Variants in ZNF518A observed in about 807,000 individuals in gnomAD.
ZNF518A encodes the protein zinc finger protein 518.
A neutral mutation model predicts 102.7 loss-of-function variants in ZNF518A; 47 were observed. The observed-to-expected ratio is 0.46, with a 90% CI of 0.36 to 0.58. ZNF518A has a LOEUF of 0.58. ZNF518A is among the 20% of genes least tolerant of loss of function. The pLI is 0.00. For synonymous variants in ZNF518A, 652 were observed against 594.6 expected, an observed-to-expected ratio of 1.10 and a Z score of -1.40; for missense variants, 1,793 against 1,699.8, an observed-to-expected ratio of 1.05 and a Z score of -0.96.
chr10:96,170,635 A>G (rs1554890808), intron 1 of ZNF518A, among the ~76,000 whole-genome samples: 2 of 152,212 alleles, frequency 1.3e-5, no homozygotes, highest in African/African-American at 2.4e-5. Context: ...AAAAAAGTTG[A>G]TTGTGACAGT....
downstream of ZNF518A, among the ~76,000 whole-genome samples, chr10:96,167,289 C>T (rs1289962923): frequency 6.6e-6 from 1 of 151,966 alleles, no homozygotes; most frequent in Non-Finnish European, 1.5e-5. Context: ...GGTGAAACCC[C>T]GTCTCTACTA....
intron 1 of ZNF518A, chr10:96,203,526 G>A (rs1554896716): frequency 6.6e-6 from 1 of 151,812 alleles, no homozygotes; most frequent in African/African-American, 2.4e-5. Flanking sequence ...TTAAGGTTTG[G>A]GCAGTTACGT....
chr10:96,158,919 C>T lies in ZNF518A; in HGVS notation c.2597C>T (p.Ser866Leu), dbSNP rs879946414. 3.1e-6 allele frequency: 5 copies of T among 1,613,604 alleles called. No individual in the cohort carries two copies. The highest frequency in any genetic ancestry group is 2.7e-5 in the African/African-American group (2 of 75,002). Reference sequence around the variant, plus strand: ...AAATTTGGAAAAGAAAAACAAGTGTCATCAATACCACAAGATGTGAGAGAT... The same window carrying T: ...AAATTTGGAAAAGAAAAACAAGTGTTATCAATACCACAAGATGTGAGAGAT... The part of the protein sequence containing the change: ...NLKFGKEKQV[S>L]SIPQDVRDSE... The change falls in exon 6 of 6, where the codon TCA becomes TTA. Residue 866 changes from serine to leucine, a missense_variant. Coordinates refer to ENST00000316045, the MANE Select transcript of ZNF518A (RefSeq NM_001330736.2).
intron 1 of ZNF518A, among the ~76,000 whole-genome samples, chr10:96,188,855 A>G (rs1422230672): frequency 1.3e-5 from 2 of 152,146 alleles, no homozygotes; most frequent in Non-Finnish European, 2.9e-5. Context: ...AGTACTGGAC[A>G]CTCAAAGTCC....
At chr10:96,151,319 G>A (rs1350305258) in intron 3 of ZNF518A, 1 of 152,084 alleles carries the variant, frequency 6.6e-6, no homozygotes, top group Non-Finnish European at 1.5e-5. Context: ...GTTATGTAGC[G>A]AAAGGACAGG....
intron 1 of ZNF518A, among the ~76,000 whole-genome samples, chr10:96,171,448 C>T (rs2083172855): frequency 6.6e-6 from 1 of 152,074 alleles, no homozygotes; most frequent in Admixed American, 6.6e-5. Flanking sequence ...ACCATGAGTC[C>T]ATTCATATGA....
At chr10:96,175,882 CCTTCCTTCCTTCCTTCCTTCCTTCCTT>C (rs2083201063) in intron 1 of ZNF518A, among the ~76,000 whole-genome samples, 2 of 102,822 alleles carry the variant, frequency 1.9e-5, no homozygotes, top group East Asian at 4.6e-4. Flanking sequence ...TCCCTCCCTT[CCTTCCTTCCTTCCTTCCTTCCTTCCTT>C]CCTTCCTTCC....
At chr10:96,190,522 T>C (rs1407575235) in intron 1 of ZNF518A, among the ~76,000 whole-genome samples, 2 of 152,230 alleles carry the variant, frequency 1.3e-5, no homozygotes, top group East Asian at 3.8e-4. Context: ...CATATCTTTT[T>C]GAGGGGACCA....
rs868954973 is a variant in ZNF518A, at chr10:96,160,254, C to T, written c.3932C>T (p.Thr1311Ile). Residue 1311 changes from threonine to isoleucine, a missense_variant, in exon 6 of 6, where the codon ACA becomes ATA. This residue lies in a region of ZNF518A where 1,741 missense variants were observed against 1,622.6 expected (regional missense o/e 1.07). Transcript: ENST00000316045. ...GCAAAACCTGAAGATGTCCGTGAAACATTTGGATTTAGCAGACCTAGGCTT... is the reference window on the plus strand; with the variant it reads ...GCAAAACCTGAAGATGTCCGTGAAATATTTGGATTTAGCAGACCTAGGCTT... ...EKAKPEDVRE[T>I]FGFSRPRLSK... The T allele has an allele frequency of 8.1e-6, 13 of 1,613,472 alleles. No homozygotes were observed. The highest frequency in any genetic ancestry group is 3.3e-4 in the Middle Eastern group (2 of 6,060).
intron 1 of ZNF518A, among the ~76,000 whole-genome samples, chr10:96,131,427 G>T (rs782186149): frequency 6.6e-6 from 1 of 152,082 alleles, no homozygotes; most frequent in Non-Finnish European, 1.5e-5. Context: ...CAGCAAAATT[G>T]TCTTTTCTGA....
At chr10:96,192,707 T>A (rs1197522854) in intron 1 of ZNF518A, among the ~76,000 whole-genome samples, 1 of 152,200 alleles carries the variant, frequency 6.6e-6, no homozygotes, top group East Asian at 1.9e-4. Flanking sequence ...ATTTTGATCC[T>A]TGTTGTCTAT....
chr10:96,177,540 G>A (rs2083212854), intron 1 of ZNF518A, among the ~76,000 whole-genome samples: 1 of 152,162 alleles, frequency 6.6e-6, no homozygotes, highest in African/African-American at 2.4e-5. Flanking sequence ...GGAGTAAAAT[G>A]TATGACAACA....
At chr10:96,174,598 T>C (rs2083192347) in intron 1 of ZNF518A, among the ~76,000 whole-genome samples, 1 of 152,206 alleles carries the variant, frequency 6.6e-6, no homozygotes, top group South Asian at 2.1e-4. Context: ...AAAACTATTT[T>C]AAAAAATGGC....
intron 1 of ZNF518A, among the ~76,000 whole-genome samples, chr10:96,171,908 A>G (rs587700863): frequency 6.6e-6 from 1 of 152,242 alleles, no homozygotes; most frequent in East Asian, 1.9e-4. Context: ...TGAAATTATC[A>G]TAAGAAAAAT....
At position 96,158,383 on chromosome 10, in the gene ZNF518A, G is replaced by A. The variant is rs2082811924; in HGVS notation, c.2061G>A (p.Arg687=). 1.2e-6 allele frequency: 2 copies of A among 1,613,498 alleles called. No individual in the cohort carries two copies. The highest frequency in any genetic ancestry group is 1.3e-5 in the African/African-American group (1 of 74,896). ...PISESFLSLV[R]QESSKPDSLL... ...GTGAATCATTTTTATCACTAGTGAGGCAGGAGAGCTCAAAACCAGATAGCC... is the reference window on the plus strand; with the variant it reads ...GTGAATCATTTTTATCACTAGTGAGACAGGAGAGCTCAAAACCAGATAGCC... The change falls in exon 6 of 6, where the codon AGG becomes AGA. Residue 687 remains arginine, a synonymous_variant. Transcript: ENST00000316045.
At chr10:96,201,108 T>C (rs782351148) in intron 1 of ZNF518A, 1 of 1,490,008 alleles carries the variant, frequency 6.7e-7, no homozygotes, top group Admixed American at 1.7e-5. Context: ...TTTCTTGAAC[T>C]CTTTCTATGC....
At chr10:96,154,422 CTCCT>C (rs782808250) in intron 3 of ZNF518A, among the ~76,000 whole-genome samples, 4 of 151,634 alleles carry the variant, frequency 2.6e-5, no homozygotes, top group Non-Finnish European at 5.9e-5. Flanking sequence ...CCCTCCCTCC[CTCCT>C]TCTTTTCTTT....
intron 1 of ZNF518A, among the ~76,000 whole-genome samples, chr10:96,132,175 G>A (rs1205037814): frequency 2.0e-5 from 3 of 151,674 alleles, no homozygotes; most frequent in African/African-American, 7.3e-5. Flanking sequence ...TGTAGGCTGT[G>A]AGTATTTCAG....
intron 3 of ZNF518A, among the ~76,000 whole-genome samples, chr10:96,141,281 A>G (rs773167808): frequency 3.6e-4 from 55 of 152,140 alleles, no homozygotes; most frequent in Non-Finnish European, 6.2e-4. Context: ...AATGGTGAGC[A>G]CTGGCTATTC....
Sources: allele counts gnomAD v4.1 joint callset (sites outside exome capture counted in the v4.1 genomes callset), GRCh38; gene constraint gnomAD v4.1.1; regional missense constraint gnomAD v4.1.1; transcripts MANE v1.5; gene names NCBI Gene and HGNC (gene_info 2026-07-23, HGNC 2026-07-21).